The following MACIR variants were observed in gnomAD, a reference collection of about 807,000 sequenced individuals.
The protein encoded by MACIR is UNC119-binding protein C5orf30.
MACIR carries 4 observed loss-of-function variants against 14.3 expected under a neutral mutation model. The observed-to-expected ratio is 0.28, with a 90% CI of 0.14 to 0.64. The LOEUF (loss-of-function observed/expected upper bound fraction) is 0.64, where lower values mean the gene tolerates loss of function less well. Ranked by LOEUF, MACIR falls within the 30% of genes least tolerant of loss-of-function variation. The pLI is 0.83. For missense variants in MACIR, 228 were observed against 257.6 expected (o/e 0.89, Z 0.79); for synonymous variants, 101 against 102.4 (o/e 0.99, Z 0.08).
rs1562553377 is a variant in MACIR at position 103,277,901 on chromosome 5, T to C, written c.*1361T>C. On this transcript the variant is annotated 3_prime_UTR_variant, in exon 3 of 3. Transcript: ENST00000319933. The stretch of plus-strand genomic sequence containing the variant: ...GTTTCTTAGGTATTAGCAATCTTGC[T>C]TATAAAATAAGAACACCTTTTAATT... 1 of 167,076 alleles carries C rather than the reference T, an allele frequency of 6.0e-6. No homozygotes were observed. Among genetic ancestry groups the C allele is most frequent in the Non-Finnish European group, 1.5e-5 (1 of 68,100 alleles). 10.3% of individuals were successfully genotyped at this position (167,076 alleles called of 1,614,324 possible).
chr5:103,275,777 G>A (rs1805299411), intron 2 of MACIR, 120 bp from the exon 3 acceptor site: 7 of 758,794 alleles, frequency 9.2e-6, no homozygotes, highest in Non-Finnish European at 1.5e-5. Flanking sequence ...CATGTCAGTG[G>A]TACATTGACT....
At chr5:103,269,112 G>C (rs1195406192) in intron 2 of MACIR, among the ~76,000 whole-genome samples, 1 of 152,096 alleles carries the variant, frequency 6.6e-6, no homozygotes, top group African/African-American at 2.4e-5. Flanking sequence ...GGAGGCTGAC[G>C]TGGGAGGATC....
chr5:103,274,647 A>C lies in MACIR; in HGVS notation c.-23-1250A>C, dbSNP rs74653100. On this transcript the variant is annotated intron_variant, in intron 2 of 2. Transcript: ENST00000319933. ...ATTAGAACATGCATGTGGTGGAATA[A>C]AGTGCTGTTTTTTTTTTTTAAAGCT... 5.6e-3 allele frequency among the ~76,000 whole-genome samples: 852 copies of C among 151,820 alleles called. 8 individuals are homozygous for C. Among genetic ancestry groups the C allele is most frequent in the African/African-American group, 0.02 (815 of 41,462 alleles).
chr5:103,271,599 A>G (rs1447438261), intron 2 of MACIR, among the ~76,000 whole-genome samples: 2 of 152,182 alleles, frequency 1.3e-5, no homozygotes, highest in Non-Finnish European at 2.9e-5. Flanking sequence ...AGCATCTATA[A>G]ACGTTGCCAA....
At position 103,265,937 on chromosome 5, in the gene MACIR, G is replaced by GTCTGTGT. The variant is rs1484060415; in HGVS notation, c.-81_-75dup. The GTCTGTGT allele has an allele frequency of 5.3e-5, 8 of 152,138 alleles. No individual in the cohort carries two copies. The South Asian group carries it at 1.7e-3, about 32-fold the overall frequency. 9.4% of individuals were successfully genotyped at this position (152,138 alleles called of 1,614,324 possible). ...TGGAGTAGAACAGAAAAATTATTAT[G>GTCTGTGT]TCTGTGTTCCCTTGGGACTCATTGG... On this transcript the variant is annotated 5_prime_UTR_variant, in exon 2 of 3. It removes the in-frame stop codon of an upstream open reading frame in the 5' UTR. Coordinates refer to ENST00000319933, the MANE Select transcript of MACIR (RefSeq NM_033211.4).
At chr5:103,268,674 C>G (rs1805014275) in intron 2 of MACIR, among the ~76,000 whole-genome samples, 1 of 152,324 alleles carries the variant, frequency 6.6e-6, no homozygotes, top group South Asian at 2.1e-4. Context: ...AGTTAAATCA[C>G]AAATCTGGGA....
chr5:103,261,702 C>CTTTCT (rs1205786084), intron 1 of MACIR, among the ~76,000 whole-genome samples: 7 of 100,684 alleles, frequency 7.0e-5, no homozygotes, highest in African/African-American at 1.3e-4. Flanking sequence ...TTCTTTCTTT[C>CTTTCT]TTCCTTTCTT....
chr5:103,266,603 G>A (rs536732741), intron 2 of MACIR, among the ~76,000 whole-genome samples: 132 of 152,086 alleles, frequency 8.7e-4, no homozygotes, highest in African/African-American at 3.1e-3. Context: ...CATGTGTCTC[G>A]AAGTCTTTGA....
chr5:103,274,967 G>A (rs887179392), intron 2 of MACIR, among the ~76,000 whole-genome samples: 3 of 152,044 alleles, frequency 2.0e-5, no homozygotes, highest in East Asian at 1.9e-4. Context: ...GAACCTAGCC[G>A]CCATTTGTTC....
rs528622468 is a variant in MACIR, at chr5:103,275,291, G to A, written c.-23-606G>A. Among the ~76,000 whole-genome samples, 23 of 152,176 alleles carry A rather than the reference G, an allele frequency of 1.5e-4. No homozygotes were observed. The South Asian group carries it at 3.3e-3, about 22-fold the overall frequency. On this transcript the variant is annotated intron_variant, in intron 2 of 2. Transcript: ENST00000319933. ...AAGGAAGAACATTTACAAGGTTTGG[G>A]GGAACCTTCCCCTAAGACTCCTCAT...
At chr5:103,273,162 CA>C (rs1562550603) in intron 2 of MACIR, among the ~76,000 whole-genome samples, 1 of 152,116 alleles carries the variant, frequency 6.6e-6, no homozygotes, top group African/African-American at 2.4e-5. Context: ...TTCTGTTTTC[CA>C]TAGTGAATGT....
intron 1 of MACIR, among the ~76,000 whole-genome samples, chr5:103,260,386 A>G (rs1212414285): frequency 2.0e-5 from 3 of 152,204 alleles, no homozygotes; most frequent in Non-Finnish European, 2.9e-5. Flanking sequence ...ATTACGGCAG[A>G]AGCTTTTGGC....
chr5:103,264,562 CT>C (rs1428436366), intron 1 of MACIR, among the ~76,000 whole-genome samples: 1 of 152,070 alleles, frequency 6.6e-6, no homozygotes, highest in African/African-American at 2.4e-5. Flanking sequence ...AAACCAGAGG[CT>C]TCATTGGTGG....
intron 2 of MACIR, 25 bp from the exon 3 acceptor site, chr5:103,275,872 C>T: frequency 1.3e-6 from 2 of 1,563,462 alleles, no homozygotes; most frequent in Non-Finnish European, 1.7e-6. Context: ...TTATATTCTT[C>T]TAATCTAAGT....
chr5:103,272,429 A>G (rs1023242025), intron 2 of MACIR, among the ~76,000 whole-genome samples: 2 of 151,238 alleles, frequency 1.3e-5, no homozygotes, highest in African/African-American at 4.9e-5. Context: ...CAGATGGGAC[A>G]GTGTCTAAAG....
At chr5:103,265,793 A>G (rs1187098697) in intron 1 of MACIR, 115 bp from the exon 2 acceptor site, 1 of 152,154 alleles carries the variant, frequency 6.6e-6, no homozygotes, top group Non-Finnish European at 1.5e-5. Context: ...TATAACCTAT[A>G]CTTGATGTTA....
In MACIR at chr5:103,276,304, C is replaced by T. The variant is rs1554237711; in HGVS notation, c.385C>T (p.Arg129Trp). Residue 129 changes from arginine (R) to tryptophan (W), a missense_variant, in exon 3 of 3, where the codon CGG becomes TGG. Transcript: ENST00000319933. The part of the protein sequence containing the change: ...IPAVNGRRRR[R>W]MPSSGDKCTK... ...AGCTGTCAATGGCAGGAGGCGAAGG[C>T]GGATGCCAAGCTCAGGAGACAAGTG... 9 of 1,612,518 alleles carry T rather than the reference C, an allele frequency of 5.6e-6. No individual in the cohort carries two copies. Among genetic ancestry groups the T allele is most frequent in the East Asian group, 2.2e-5 (1 of 44,846 alleles).
chr5:103,271,617 A>G (rs1554237123), intron 2 of MACIR, among the ~76,000 whole-genome samples: 2 of 152,100 alleles, frequency 1.3e-5, no homozygotes, highest in Non-Finnish European at 2.9e-5. Flanking sequence ...CAAATCTTTC[A>G]TGTTTTATAA....
intron 2 of MACIR, among the ~76,000 whole-genome samples, chr5:103,273,040 C>T (rs1406193247): frequency 1.3e-5 from 2 of 152,156 alleles, no homozygotes; most frequent in South Asian, 2.1e-4. Flanking sequence ...GAGACTCTCC[C>T]GCAGGAATCT....
Sources: gnomAD v4.1 joint callset for allele counts (sites outside exome capture counted in the v4.1 genomes callset) on GRCh38, gnomAD v4.1.1 for gene constraint, MANE v1.5 for transcripts, NCBI Gene and HGNC (gene_info 2026-07-23, HGNC 2026-07-21) for gene names.